The following ASAP1 variants were observed in gnomAD, a reference collection of about 807,000 sequenced individuals.
The protein encoded by ASAP1 is arf-GAP with SH3 domain, ANK repeat and PH domain-containing protein 1.
A neutral mutation model predicts 145.2 loss-of-function variants in ASAP1; 43 were observed. That is an observed-to-expected ratio of 0.30 (90% confidence interval 0.23 to 0.38). The LOEUF (loss-of-function observed/expected upper bound fraction) is 0.38, where lower values mean the gene tolerates loss of function less well. ASAP1 is among the 10% of genes least tolerant of loss of function. ASAP1 has a pLI of 1.00. For missense variants in ASAP1, 1,018 were observed against 1,355.3 expected, an observed-to-expected ratio of 0.75 and a Z score of 3.91; for synonymous variants, 546 against 515.5, an observed-to-expected ratio of 1.06 and a Z score of -0.80.
intron 3 of ASAP1, among the ~76,000 whole-genome samples, chr8:130,256,845 A>G (rs1254786831): frequency 3.4e-5 from 5 of 146,508 alleles, no homozygotes; most frequent in Non-Finnish European, 6.0e-5. Context: ...CTATAAAGGG[A>G]GGGGACAAAT....
intron 11 of ASAP1, among the ~76,000 whole-genome samples, chr8:130,166,927 G>A (rs573460234): frequency 6.6e-6 from 1 of 152,232 alleles, no homozygotes; most frequent in East Asian, 1.9e-4. Context: ...AGACAGAAGT[G>A]GTCTAAAGAG....
chr8:130,199,386 A>G (rs1415046425), intron 5 of ASAP1, among the ~76,000 whole-genome samples: 1 of 152,198 alleles, frequency 6.6e-6, no homozygotes. Context: ...AACCTGAACC[A>G]GTTTTGGTCG....
Position 130,147,436 on chromosome 8 carries a change from G to A in ASAP1, c.1080+5300C>T, listed in dbSNP as rs533204757. Among the ~76,000 whole-genome samples, 6 of 152,256 alleles carry A rather than the reference G, an allele frequency of 3.9e-5. No homozygotes were observed. The East Asian group carries it at 1.2e-3, about 29-fold the overall frequency. ...ATTTAGATGGAAAATCCTCACTAGAGATTCAGTGTCAGGGTTGAAATTCAA... is the reference window on the plus strand; with the variant it reads ...ATTTAGATGGAAAATCCTCACTAGAAATTCAGTGTCAGGGTTGAAATTCAA... On this transcript the variant is annotated intron_variant, in intron 13 of 29. Coordinates refer to ENST00000518721, the MANE Select transcript of ASAP1 (RefSeq NM_018482.4).
chr8:130,191,641 C>T (rs1815148082), intron 5 of ASAP1, among the ~76,000 whole-genome samples: 1 of 152,072 alleles, frequency 6.6e-6, no homozygotes, highest in African/African-American at 2.4e-5. Context: ...CCAACGCTGA[C>T]TTGAAAGGGC....
At chr8:130,148,749 T>C (rs979918958) in intron 13 of ASAP1, among the ~76,000 whole-genome samples, 1 of 152,220 alleles carries the variant, frequency 6.6e-6, no homozygotes, top group African/African-American at 2.4e-5. Flanking sequence ...TACAATACTT[T>C]TAGTTAGAAA....
At chr8:130,242,389 C>A (rs897178836) in intron 3 of ASAP1, among the ~76,000 whole-genome samples, 9 of 148,496 alleles carry the variant, frequency 6.1e-5, no homozygotes, top group Non-Finnish European at 1.3e-4. Context: ...TTAATGGATG[C>A]ATTTGTCCCA....
At chr8:130,426,201 T>C (rs1829910353) in intron 1 of ASAP1, among the ~76,000 whole-genome samples, 2 of 151,904 alleles carry the variant, frequency 1.3e-5, no homozygotes, top group African/African-American at 4.8e-5. Flanking sequence ...AGCTTCCTCC[T>C]CTCTCTCTCT....
chr8:130,101,587 C>T (rs78536246), intron 24 of ASAP1, among the ~76,000 whole-genome samples: 1 of 150,642 alleles, frequency 6.6e-6, no homozygotes, highest in Non-Finnish European at 1.5e-5. Context: ...CTTTTTTTTT[C>T]TGAGACAGGG....
intron 3 of ASAP1, among the ~76,000 whole-genome samples, chr8:130,333,816 T>C (rs991262978): frequency 1.3e-5 from 2 of 152,236 alleles, no homozygotes; most frequent in Admixed American, 6.5e-5. Context: ...GCCTATTATG[T>C]GACAAGCAGC....
chr8:130,301,961 T>C (rs764168227), intron 3 of ASAP1, among the ~76,000 whole-genome samples: 4 of 152,352 alleles, frequency 2.6e-5, no homozygotes, highest in East Asian at 3.9e-4. Context: ...ACCTCCACGA[T>C]GGCAGGGGTG....
chr8:130,188,995 T>C (rs995290382), intron 5 of ASAP1, among the ~76,000 whole-genome samples: 2 of 152,106 alleles, frequency 1.3e-5, no homozygotes, highest in Non-Finnish European at 2.9e-5. Context: ...AATTACTGTG[T>C]TTGGATTTTT....
rs186044812 is a variant in ASAP1, at chr8:130,331,014, C to A, written c.186+27003G>T. Among the ~76,000 whole-genome samples, 4 of 152,208 alleles carry A rather than the reference C, an allele frequency of 2.6e-5. No individual in the cohort carries two copies. The East Asian group carries it at 7.7e-4, about 29-fold the overall frequency. On this transcript the variant is annotated intron_variant, in intron 3 of 29. Transcript: ENST00000518721. ...AGAAAGACCTTAGCTGTCCATTGGC[C>A]AGACCAGCCTTTCCAATGCTCAGTT...
At chr8:130,115,393 A>G (rs1489424530) in intron 23 of ASAP1, among the ~76,000 whole-genome samples, 1 of 152,188 alleles carries the variant, frequency 6.6e-6, no homozygotes, top group Non-Finnish European at 1.5e-5. Context: ...CATGTGAGCC[A>G]ATTCCTTAAA....
chr8:130,092,118 G>A lies in ASAP1; in HGVS notation c.2427C>T (p.Leu809=). 1 of 1,568,004 alleles carries A rather than the reference G, an allele frequency of 6.4e-7. No individual in the cohort carries two copies. The highest frequency in any genetic ancestry group is 1.4e-5 in the African/African-American group (1 of 71,272). Reference sequence around the variant, plus strand: ...CACTAGAGGTCTGGGTGCTTAGAGGGAGTGTTGAAGGTGGGCCAGTTGGAC... The same window carrying A: ...CACTAGAGGTCTGGGTGCTTAGAGGAAGTGTTGAAGGTGGGCCAGTTGGAC... ...GKGPTGPPST[L]PLSTQTSSGS... is the part of the protein sequence containing the mutation. The change falls in exon 25 of 30, where the codon CTC becomes CTT. Residue 809 remains leucine, a synonymous_variant. Coordinates refer to ENST00000518721, the MANE Select transcript of ASAP1 (RefSeq NM_018482.4).
At chr8:130,201,845 G>C (rs1388554121) in intron 5 of ASAP1, among the ~76,000 whole-genome samples, 1 of 152,048 alleles carries the variant, frequency 6.6e-6, no homozygotes, top group African/African-American at 2.4e-5. Context: ...CTGTAACATC[G>C]GATCACATTT....
chr8:130,086,244 C>A (rs1184475901), intron 25 of ASAP1, among the ~76,000 whole-genome samples: 1 of 152,154 alleles, frequency 6.6e-6, no homozygotes, highest in Admixed American at 6.5e-5. Flanking sequence ...TGAATCCTGG[C>A]CCCCACGTAC....
chr8:130,281,285 T>C (rs1173138223), intron 3 of ASAP1, among the ~76,000 whole-genome samples: 1 of 152,236 alleles, frequency 6.6e-6, no homozygotes, highest in Non-Finnish European at 1.5e-5. Flanking sequence ...ACATAAACAA[T>C]GTTTCCCTAT....
At chr8:130,260,743 C>T (rs980032034) in intron 3 of ASAP1, among the ~76,000 whole-genome samples, 1 of 152,130 alleles carries the variant, frequency 6.6e-6, no homozygotes, top group East Asian at 1.9e-4. Context: ...GGGTCTGTCT[C>T]TATGTGCCGA....
At chr8:130,296,979 A>G (rs1822319495) in intron 3 of ASAP1, among the ~76,000 whole-genome samples, 1 of 152,116 alleles carries the variant, frequency 6.6e-6, no homozygotes, top group African/African-American at 2.4e-5. Context: ...GTTCCCACCT[A>G]TTAGAAGGGC....
Sources: gnomAD v4.1 joint callset for allele counts (sites outside exome capture counted in the v4.1 genomes callset) on GRCh38, gnomAD v4.1.1 for gene constraint, MANE v1.5 for transcripts, NCBI Gene and HGNC (gene_info 2026-07-23, HGNC 2026-07-21) for gene names.